Variants in COMMD10 observed in about 807,000 individuals in gnomAD.
The protein encoded by COMMD10 is COMM domain-containing protein 10.
COMMD10 carries 33 observed loss-of-function variants against 28.9 expected under a neutral mutation model. The ratio of observed to expected loss-of-function variants is 1.14; its 90% CI spans 0.87 to 1.53. The LOEUF (loss-of-function observed/expected upper bound fraction) is 1.53. Ranked by LOEUF, COMMD10 falls within the 40% of genes most tolerant of loss-of-function variation. The pLI is 0.00. For synonymous variants in COMMD10, 110 were observed against 81.7 expected (o/e 1.35, Z -1.87); for missense variants, 310 against 233.4 (o/e 1.33, Z -2.14).
intron 5 of COMMD10, among the ~76,000 whole-genome samples, chr5:116,239,228 G>A (rs1749754098): frequency 6.6e-6 from 1 of 152,080 alleles, no homozygotes; most frequent in Admixed American, 6.6e-5. Context: ...TGGTTAACCA[G>A]CAAAACTCAA....
chr5:116,085,974 G>A (rs1388399637), intron 1 of COMMD10, among the ~76,000 whole-genome samples: 4 of 152,204 alleles, frequency 2.6e-5, no homozygotes, highest in South Asian at 2.1e-4. Context: ...CACAAAGAAA[G>A]CGAGGAAAGA....
intron 4 of COMMD10, among the ~76,000 whole-genome samples, chr5:116,117,713 G>A (rs1222485371): frequency 4.6e-5 from 7 of 152,010 alleles, no homozygotes; most frequent in African/African-American, 9.7e-5. Context: ...TGATCTGCCC[G>A]CCTTGGCCTC....
intron 4 of COMMD10, among the ~76,000 whole-genome samples, chr5:116,092,927 C>T (rs1385091031): frequency 2.0e-5 from 3 of 152,160 alleles, no homozygotes; most frequent in East Asian, 3.8e-4. Flanking sequence ...GTTGTTTACC[C>T]TTGTGATCAC....
intron 5 of COMMD10, among the ~76,000 whole-genome samples, chr5:116,150,185 C>T (rs1269886156): frequency 1.3e-5 from 2 of 152,134 alleles, no homozygotes; most frequent in Non-Finnish European, 2.9e-5. Flanking sequence ...AGTGTTACTT[C>T]TGAGGGCTCT....
chr5:116,268,049 C>A (rs1561400729), intron 5 of COMMD10, among the ~76,000 whole-genome samples: 1 of 151,804 alleles, frequency 6.6e-6, no homozygotes, highest in Non-Finnish European at 1.5e-5. Context: ...GCAAGGACTT[C>A]ATGTCTAAAA....
At chr5:116,243,369 A>G (rs1749862579) in intron 5 of COMMD10, among the ~76,000 whole-genome samples, 2 of 152,152 alleles carry the variant, frequency 1.3e-5, no homozygotes, top group Admixed American at 6.5e-5. Context: ...ATAGGAGAGT[A>G]TCTTACATCC....
intron 5 of COMMD10, among the ~76,000 whole-genome samples, chr5:116,212,705 T>A (rs1749000103): frequency 6.6e-6 from 1 of 151,992 alleles, no homozygotes; most frequent in African/African-American, 2.4e-5. Flanking sequence ...TGAGACCAAC[T>A]TTAAGAAAAC....
intron 4 of COMMD10, among the ~76,000 whole-genome samples, chr5:116,109,855 A>G (rs186191077): frequency 5.9e-5 from 9 of 152,306 alleles, no homozygotes; most frequent in Admixed American, 2.0e-4. Context: ...TTTCCCATTT[A>G]GAAGCCTTTT....
chr5:116,255,682 C>G (rs969639397), intron 5 of COMMD10: 2 of 151,548 alleles, frequency 1.3e-5, no homozygotes, highest in African/African-American at 2.4e-5. Context: ...ATAGCATAAG[C>G]TAACACTGTT....
At chr5:116,150,199 C>A (rs1312155644) in intron 5 of COMMD10, among the ~76,000 whole-genome samples, 2 of 152,124 alleles carry the variant, frequency 1.3e-5, no homozygotes, top group African/African-American at 4.8e-5. Flanking sequence ...GGGCTCTGTT[C>A]TGTTCCATTG....
chr5:116,218,551 A>C (rs914236266), intron 5 of COMMD10, among the ~76,000 whole-genome samples: 4 of 152,178 alleles, frequency 2.6e-5, no homozygotes, highest in African/African-American at 7.2e-5. Context: ...CAATTTTCTA[A>C]AGAAATTTAT....
At chr5:116,178,051 C>T (rs944444285) in intron 5 of COMMD10, among the ~76,000 whole-genome samples, 1 of 151,978 alleles carries the variant, frequency 6.6e-6, no homozygotes, top group South Asian at 2.1e-4. Context: ...TATTTGGGCT[C>T]TTTTGTGTTT....
At chr5:116,252,959 A>G (rs1215159430) in intron 5 of COMMD10, among the ~76,000 whole-genome samples, 14 of 96,574 alleles carry the variant, frequency 1.4e-4, no homozygotes, top group African/African-American at 4.6e-4. Flanking sequence ...ATTTGTTTGT[A>G]TCCTCTTTTA....
At chr5:116,181,746 T>G (rs956414230) in intron 5 of COMMD10, among the ~76,000 whole-genome samples, 3 of 152,038 alleles carry the variant, frequency 2.0e-5, no homozygotes, top group Non-Finnish European at 4.4e-5. Flanking sequence ...GTTTTTTAAT[T>G]TAAGAAAGTT....
chr5:116,210,820 G>A (rs973481751), intron 5 of COMMD10, among the ~76,000 whole-genome samples: 1 of 151,966 alleles, frequency 6.6e-6, no homozygotes, highest in Non-Finnish European at 1.5e-5. Flanking sequence ...TTCGTCATAG[G>A]TAAAGAACTT....
At chr5:116,222,597 T>C (rs1224066856) in intron 5 of COMMD10, among the ~76,000 whole-genome samples, 1 of 152,214 alleles carries the variant, frequency 6.6e-6, no homozygotes, top group East Asian at 1.9e-4. Flanking sequence ...GACAGAAAGA[T>C]AATCTTACAA....
chr5:116,203,366 T>G (rs934628102), intron 5 of COMMD10, among the ~76,000 whole-genome samples: 3 of 151,902 alleles, frequency 2.0e-5, no homozygotes, highest in African/African-American at 7.3e-5. Flanking sequence ...CAGGCCAACA[T>G]TCAGATTCAG....
At chr5:116,157,916 A>T (rs1508873) in intron 5 of COMMD10, among the ~76,000 whole-genome samples, 1 of 149,860 alleles carries the variant, frequency 6.7e-6, no homozygotes, top group Non-Finnish European at 1.5e-5. Flanking sequence ...AATAGTCTCA[A>T]TTGCTAAGAT....
chr5:116,134,165 A>G lies in COMMD10; in HGVS notation c.497A>G (p.Asn166Ser). 1 of 1,593,902 alleles carries G rather than the reference A, an allele frequency of 6.3e-7. No individual in the cohort carries two copies. The highest frequency in any genetic ancestry group is 8.6e-7 in the Non-Finnish European group (1 of 1,161,348). ...GCTGTGTTACAACTCGGAGTGAACA[A>G]TGAAGATTCAAAGGTAAGAAATGGT... is the stretch of plus-strand genomic sequence containing the variant. Reference protein sequence around the residue: ...PQAVLQLGVNNEDSKSLEKVL... With the variant: ...PQAVLQLGVNSEDSKSLEKVL... Residue 166 changes from asparagine (N) to serine (S), a missense_variant, in exon 5 of 7, where the codon AAT (asparagine) becomes AGT (serine). Transcript: ENST00000274458.
Sources: allele counts gnomAD v4.1 joint callset (sites outside exome capture counted in the v4.1 genomes callset), GRCh38; gene constraint gnomAD v4.1.1; transcripts MANE v1.5; gene names NCBI Gene and HGNC (gene_info 2026-07-23, HGNC 2026-07-21).